The following OLFML2B variants were observed in gnomAD, a reference collection of about 807,000 sequenced individuals.
OLFML2B encodes the protein olfactomedin like 2B, also known as olfactomedin-like protein 2B.
OLFML2B carries 57 observed loss-of-function variants against 74.9 expected under a neutral mutation model. That is an observed-to-expected ratio of 0.76 (90% CI 0.61 to 0.95). The LOEUF is 0.95. Ranked by LOEUF, OLFML2B falls within the 40% of genes least tolerant of loss-of-function variation. The pLI is 0.00. For missense variants in OLFML2B, 986 were observed against 970.6 expected (o/e 1.02, Z -0.21); for synonymous variants, 388 against 405.8 (o/e 0.96, Z 0.53).
intron 2 of OLFML2B, among the ~76,000 whole-genome samples, chr1:162,018,630 C>T (rs1690614709): frequency 6.6e-6 from 1 of 152,156 alleles, no homozygotes; most frequent in Admixed American, 6.5e-5. Context: ...AGTACAGAGG[C>T]CCTGGCAGGA....
chr1:162,020,025 C>G lies in OLFML2B; in HGVS notation c.332G>C (p.Gly111Ala). The change falls in exon 2 of 8, where the codon GGC becomes GCC. Residue 111 changes from glycine (G) to alanine (A), a missense_variant. Coordinates refer to ENST00000294794, the MANE Select transcript of OLFML2B (RefSeq NM_015441.3). ...TACACAGGCACACTTGCACGACGAG[C>G]CTGAGGTGATGGTTTCCACGGTATA... ...DFYTVETITS[G>A]SSCKCACVAP... 1 of 1,614,174 alleles carries G rather than the reference C, an allele frequency of 6.2e-7. No homozygotes were observed. The highest frequency in any genetic ancestry group is 8.5e-7 in the Non-Finnish European group (1 of 1,180,026).
chr1:162,000,787 C>T (rs553453171), intron 4 of OLFML2B, among the ~76,000 whole-genome samples: 1 of 152,210 alleles, frequency 6.6e-6, no homozygotes, highest in East Asian at 1.9e-4. Context: ...GGGAAGGATG[C>T]CTGGGCTGGG....
intron 5 of OLFML2B, 127 bp from the exon 6 acceptor site, chr1:161,998,476 G>C (rs1689988653): frequency 9.6e-7 from 1 of 1,045,604 alleles, no homozygotes; most frequent in South Asian, 1.7e-5. Flanking sequence ...GAGTTACAGA[G>C]GGGGCCTGGC....
chr1:161,985,459 G>T (rs975981876), intron 6 of OLFML2B, among the ~76,000 whole-genome samples: 1 of 152,212 alleles, frequency 6.6e-6, no homozygotes, highest in African/African-American at 2.4e-5. Flanking sequence ...ATGAGGGAAT[G>T]TGGCTTTTCC....
Position 161,984,922 on chromosome 1 carries a change from C to T in OLFML2B, c.1533G>A (p.Gly511=). 6.2e-7 allele frequency: 1 copy of T among 1,611,806 alleles called. No homozygotes were observed. Among genetic ancestry groups the T allele is most frequent in the Non-Finnish European group, 8.5e-7 (1 of 1,179,460 alleles). The change falls in exon 7 of 8, where the codon GGG becomes GGA. Residue 511 remains glycine, a synonymous_variant. Coordinates refer to ENST00000294794, the MANE Select transcript of OLFML2B (RefSeq NM_015441.3). ...ITGPTTQNTY[G]RNEGAWMKDP... ...CCTTCATCCAGGCCCCTTCATTCCG[C>T]CCATATGTGTTCTGGGTGGTCGGCC... is the stretch of plus-strand genomic sequence containing the variant.
Position 161,998,322 on chromosome 1 carries a change from C to A in OLFML2B, c.977G>T (p.Gly326Val). 1.3e-6 allele frequency: 2 copies of A among 1,565,512 alleles called. No homozygotes were observed. Among genetic ancestry groups the A allele is most frequent in the Non-Finnish European group, 8.7e-7 (1 of 1,150,686 alleles). ...QQDEFFSGDN[G>V]VDLLIEDQLL... is the part of the protein sequence containing the mutation. ...CTGATCTTCAATCAGCAAATCCACT[C>A]CATTGTCACCGCTGAAAAACTCATC... The change falls in exon 6 of 8, where the codon GGA (glycine) becomes GTA (valine). Residue 326 changes from glycine (G) to valine (V), a missense_variant. Physicochemically the swap from Gly to Val is moderately radical, Grantham distance 109 (BLOSUM62 -3). Transcript: ENST00000294794.
rs1690810155 is a variant in OLFML2B, at chr1:162,023,733, G to A, written c.-303C>T. 9.6e-6 allele frequency: 2 copies of A among 208,674 alleles called. No homozygotes were observed. The highest frequency in any genetic ancestry group is 4.6e-5 in the African/African-American group (2 of 43,542). The allele number at this position is 208,674 out of a possible 1,614,324, so 12.9% of individuals were successfully genotyped here. ...TAGCTGAGCGAGTCGCCCGCAGGAG[G>A]GCTCAGGTGGCTGGAAGGCGTTCGG... On this transcript the variant is annotated 5_prime_UTR_variant, in exon 1 of 8. Coordinates refer to ENST00000294794, the MANE Select transcript of OLFML2B (RefSeq NM_015441.3).
intron 6 of OLFML2B, among the ~76,000 whole-genome samples, chr1:161,996,982 C>T (rs1647981224): frequency 6.6e-6 from 1 of 152,102 alleles, no homozygotes; most frequent in Non-Finnish European, 1.5e-5. Flanking sequence ...ATGGTGAAAA[C>T]CCGTCTCTAC....
intron 6 of OLFML2B, among the ~76,000 whole-genome samples, chr1:161,995,695 A>C (rs931832216): frequency 2.6e-5 from 4 of 152,158 alleles, no homozygotes; most frequent in Non-Finnish European, 4.4e-5. Flanking sequence ...GCTGGCAGAC[A>C]CCATTGCCTG....
intron 3 of OLFML2B, among the ~76,000 whole-genome samples, chr1:162,011,145 G>C (rs1157654335): frequency 2.0e-5 from 3 of 152,280 alleles, no homozygotes; most frequent in Non-Finnish European, 4.4e-5. Context: ...CTGCAGGTGA[G>C]GCAAACCCTG....
chr1:162,013,210 C>T (rs766910957), intron 3 of OLFML2B, among the ~76,000 whole-genome samples: 11 of 152,160 alleles, frequency 7.2e-5, no homozygotes, highest in Non-Finnish European at 1.2e-4. Flanking sequence ...TGCCCACCCA[C>T]CCCTCAACTC....
intron 4 of OLFML2B, among the ~76,000 whole-genome samples, chr1:162,002,541 T>A (rs1031267786): frequency 2.0e-5 from 3 of 152,232 alleles, no homozygotes; most frequent in Non-Finnish European, 2.9e-5. Context: ...AGGCTCTTGC[T>A]TTGATCTTTA....
At chr1:162,009,442 G>A (rs1246490560) in intron 3 of OLFML2B, among the ~76,000 whole-genome samples, 1 of 152,164 alleles carries the variant, frequency 6.6e-6, no homozygotes, top group Non-Finnish European at 1.5e-5. Flanking sequence ...TCACTGTGAG[G>A]CAAAGGGTGC....
intron 2 of OLFML2B, among the ~76,000 whole-genome samples, chr1:162,017,917 T>C (rs1376947705): frequency 6.6e-6 from 1 of 152,054 alleles, no homozygotes; most frequent in African/African-American, 2.4e-5. Flanking sequence ...GTAAAGAAAA[T>C]GCAGTATGTA....
intron 2 of OLFML2B, among the ~76,000 whole-genome samples, chr1:162,018,736 C>A (rs1427054805): frequency 1.3e-5 from 2 of 151,760 alleles, no homozygotes; most frequent in Non-Finnish European, 2.9e-5. Context: ...CTGGGCCACA[C>A]TTTTGCAATC....
Position 162,006,481 on chromosome 1 carries a change from G to GAA in OLFML2B, c.547-9_547-8insTT. ...GAGGTTTTTAGACACTTCCTGAGAA[G>GAA]GAAAAAAAAAAGATGATCCATTAAA... On this transcript the variant is annotated splice_polypyrimidine_tract_variant and intron_variant, in intron 3 of 7. Transcript: ENST00000294794. 2.1e-6 allele frequency: 3 copies of GAA among 1,425,630 alleles called. No homozygotes were observed. The highest frequency in any genetic ancestry group is 2.1e-5 in the African/African-American group (1 of 48,138). 88.3% of individuals were successfully genotyped at this position (1,425,630 alleles called of 1,614,324 possible). A position where few individuals can be genotyped will look rare whatever the true frequency, so the allele number is the denominator to read the frequency against.
rs376250138 is a variant in OLFML2B at position 162,000,102 on chromosome 1, C to A, written c.949+11G>T. 6.3e-7 allele frequency: 1 copy of A among 1,576,118 alleles called. No homozygotes were observed. The highest frequency in any genetic ancestry group is 8.6e-7 in the Non-Finnish European group (1 of 1,156,424). ...CCTGCCTCTGGGGCGGCCCTGTTGA[C>A]CCCAACTCACGCTGCTCTTCAATGT... On this transcript the variant is annotated intron_variant, in intron 5 of 7. Transcript: ENST00000294794.
intron 6 of OLFML2B, chr1:161,985,245 C>A: frequency 2.7e-6 from 1 of 363,796 alleles, no homozygotes; most frequent in Non-Finnish European, 5.0e-6. Context: ...CTTCTCAGTC[C>A]TATCCTTCAA....
At chr1:162,005,659 A>G (rs1274292856) in intron 4 of OLFML2B, among the ~76,000 whole-genome samples, 1 of 152,220 alleles carries the variant, frequency 6.6e-6, no homozygotes, top group Admixed American at 6.5e-5. Context: ...TGGGAGGCTG[A>G]CGCAGAAGGA....
Sources: gnomAD v4.1 joint callset for allele counts (sites outside exome capture counted in the v4.1 genomes callset) on GRCh38, gnomAD v4.1.1 for gene constraint, MANE v1.5 for transcripts, NCBI Gene and HGNC (gene_info 2026-07-23, HGNC 2026-07-21) for gene names.